The following CDA variants were observed in gnomAD, a reference collection of about 807,000 sequenced individuals.
The protein encoded by CDA is cytidine deaminase.
In CDA, 7 loss-of-function variants were observed where a neutral mutation model predicts 15.0. That is an observed-to-expected ratio of 0.47 (90% CI 0.26 to 0.87). CDA has a LOEUF of 0.87. Among genes scored for constraint, CDA ranks in the 40% least tolerant of loss-of-function variants. The pLI is 0.15. For synonymous variants in CDA, 58 were observed against 73.0 expected (o/e 0.79, Z 1.05); for missense variants, 159 against 182.7 (o/e 0.87, Z 0.75).
At chr1:20,609,585 C>T (rs2052727780) in intron 2 of CDA, among the ~76,000 whole-genome samples, 1 of 152,178 alleles carries the variant, frequency 6.6e-6, no homozygotes, top group African/African-American at 2.4e-5. Context: ...TCATTCAGAG[C>T]AACTCTCCCA....
In CDA at chr1:20,605,043, A is replaced by G. The variant is rs2154532429; in HGVS notation, c.266+4A>G. On this transcript the variant is annotated splice_donor_region_variant and intron_variant, in intron 2 of 3. Coordinates refer to ENST00000375071, the MANE Select transcript of CDA (RefSeq NM_001785.3). ...TCAGGGCAATTGCTATCGCCAGGTG[A>G]GTGGGAAAGCCAGGTTGCAACAATA... is the stretch of plus-strand genomic sequence containing the variant. 6.4e-7 allele frequency: 1 copy of G among 1,568,768 alleles called. No homozygotes were observed. The highest frequency in any genetic ancestry group is 2.2e-5 in the East Asian group (1 of 44,670).
At chr1:20,600,753 CAA>C (rs5772908) in intron 1 of CDA, among the ~76,000 whole-genome samples, 49 of 121,086 alleles carry the variant, frequency 4.0e-4, no homozygotes, top group Non-Finnish European at 5.2e-4. Flanking sequence ...GACTCTGTCT[CAA>C]AAAAAAAAAA....
At chr1:20,614,276 G>C (rs1213989289) in intron 3 of CDA, among the ~76,000 whole-genome samples, 1 of 147,652 alleles carries the variant, frequency 6.8e-6, no homozygotes, top group Non-Finnish European at 1.5e-5. Context: ...GGGCTATAGA[G>C]GAAAACAAAA....
chr1:20,599,491 C>G (rs1252163727), intron 1 of CDA, among the ~76,000 whole-genome samples: 1 of 151,908 alleles, frequency 6.6e-6, no homozygotes, highest in Admixed American at 6.6e-5. Flanking sequence ...GTGGCACGCA[C>G]CTGTAGTCCT....
At chr1:20,607,680 C>T (rs1432932257) in intron 2 of CDA, among the ~76,000 whole-genome samples, 1 of 152,208 alleles carries the variant, frequency 6.6e-6, no homozygotes, top group Non-Finnish European at 1.5e-5. Context: ...CTTATTTACA[C>T]AAAACCTGCC....
intron 1 of CDA, among the ~76,000 whole-genome samples, chr1:20,603,119 TC>T (rs2052662423): frequency 6.6e-6 from 1 of 152,226 alleles, no homozygotes; most frequent in African/African-American, 2.4e-5. Context: ...CATCTGGCCA[TC>T]TTGCCTCATC....
chr1:20,598,424 A>C (rs2052608664), intron 1 of CDA, among the ~76,000 whole-genome samples: 2 of 152,228 alleles, frequency 1.3e-5, no homozygotes, highest in Non-Finnish European at 2.9e-5. Context: ...AAGCCTTCAG[A>C]ATTATGACAA....
At chr1:20,597,028 C>T (rs962769899) in intron 1 of CDA, among the ~76,000 whole-genome samples, 1 of 152,152 alleles carries the variant, frequency 6.6e-6, no homozygotes, top group Non-Finnish European at 1.5e-5. Flanking sequence ...TCTAAAAGTA[C>T]TGGGATTACA....
intron 1 of CDA, among the ~76,000 whole-genome samples, chr1:20,604,543 C>G (rs2052675710): frequency 6.6e-6 from 1 of 152,142 alleles, no homozygotes; most frequent in African/African-American, 2.4e-5. Context: ...ACATTCAGAC[C>G]ATGGGGCTCT....
At position 20,589,299 on chromosome 1, in the gene CDA, C is replaced by T. The variant is rs1021843184; in HGVS notation, c.154+16C>T. 8.7e-6 allele frequency: 14 copies of T among 1,611,868 alleles called. No homozygotes were observed. Among genetic ancestry groups the T allele is most frequent in the African/African-American group, 1.3e-5 (1 of 74,872 alleles). On this transcript the variant is annotated intron_variant, in intron 1 of 3. Transcript: ENST00000375071. ...ATCTTCAAAGGTAAAGGTGGGCACC[C>T]CAGGGTCCCCCAGCCCAGCAGCCTG...
At chr1:20,614,001 G>A in intron 3 of CDA, 102 bp downstream of exon 3, 1 of 1,038,268 alleles carries the variant, frequency 9.6e-7, no homozygotes, top group Non-Finnish European at 1.5e-6. Flanking sequence ...CAGGCGTGGA[G>A]ACACAGCTAC....
chr1:20,604,862 T>C, intron 1 of CDA, 66 bp from the exon 2 acceptor site: 1 of 1,088,990 alleles, frequency 9.2e-7, no homozygotes, highest in African/African-American at 1.5e-5. Context: ...GGCAAACTTC[T>C]TACTCAACAC....
At chr1:20,608,452 C>G (rs1225992059) in intron 2 of CDA, among the ~76,000 whole-genome samples, 1 of 80,040 alleles carries the variant, frequency 1.2e-5, no homozygotes, top group African/African-American at 4.0e-5. Flanking sequence ...CTGTGCCGCC[C>G]AGGCTGGAGT....
intron 1 of CDA, among the ~76,000 whole-genome samples, chr1:20,599,467 A>AT (rs1325718012): frequency 8.6e-5 from 13 of 151,396 alleles, no homozygotes; most frequent in Admixed American, 3.9e-4. Context: ...AAATACAAAA[A>AT]TTAGCCGGGC....
intron 1 of CDA, among the ~76,000 whole-genome samples, chr1:20,600,323 G>GGGCTGGGAGAGTCACTA (rs2052630551): frequency 6.6e-6 from 1 of 152,168 alleles, no homozygotes; most frequent in Non-Finnish European, 1.5e-5. Flanking sequence ...TGGAAGGGCG[G>GGGCTGGGAGAGTCACTA]GGCTGGGAGA....
At chr1:20,613,923 G>A (rs764019579) in intron 3 of CDA, 24 bp downstream of exon 3, 9 of 1,609,626 alleles carry the variant, frequency 5.6e-6, no homozygotes, top group Admixed American at 1.7e-5. Flanking sequence ...CTTGCTGTCT[G>A]GAATGCAAAT....
intron 1 of CDA, among the ~76,000 whole-genome samples, chr1:20,595,432 C>T (rs1449603132): frequency 6.6e-6 from 1 of 152,148 alleles, no homozygotes; most frequent in Non-Finnish European, 1.5e-5. Context: ...TGGTGCCTGA[C>T]ACCAGCCCCT....
chr1:20,599,108 G>C (rs893630457), intron 1 of CDA, among the ~76,000 whole-genome samples: 1 of 152,166 alleles, frequency 6.6e-6, no homozygotes, highest in East Asian at 1.9e-4. Context: ...CATTTGAGCA[G>C]AGCCCTGAGT....
chr1:20,610,310 ATT>A (rs139325059), intron 2 of CDA, among the ~76,000 whole-genome samples: 1 of 129,248 alleles, frequency 7.7e-6, no homozygotes, highest in Non-Finnish European at 1.6e-5. Flanking sequence ...ATTTATTTTT[ATT>A]TTTTTTTGAG....
Sources: allele counts gnomAD v4.1 joint callset (sites outside exome capture counted in the v4.1 genomes callset), GRCh38; gene constraint gnomAD v4.1.1; transcripts MANE v1.5; gene names NCBI Gene and HGNC (gene_info 2026-07-23, HGNC 2026-07-21).